UBE2E1: variants seen among roughly 807,000 people sequenced by gnomAD.
UBE2E1 encodes ubiquitin-conjugating enzyme E2 E1.
In UBE2E1, 6 loss-of-function variants were observed where a neutral mutation model predicts 21.4. The ratio of observed to expected loss-of-function variants is 0.28; its 90% confidence interval spans 0.15 to 0.55. The LOEUF is 0.55. Among genes scored for constraint, UBE2E1 ranks in the 20% least tolerant of loss-of-function variants. The probability of loss-of-function intolerance (pLI) is 0.93; values close to 1 mark genes in which losing one functional copy is unlikely to be tolerated. For missense variants in UBE2E1, 142 were observed against 236.5 expected, an observed-to-expected ratio of 0.60 and a Z score of 2.62; for synonymous variants, 87 against 82.7, an observed-to-expected ratio of 1.05 and a Z score of -0.28.
At chr3:23,872,800 T>C (rs1700831818) in intron 3 of UBE2E1, among the ~76,000 whole-genome samples, 2 of 152,182 alleles carry the variant, frequency 1.3e-5, no homozygotes, top group African/African-American at 2.4e-5. Context: ...AGGTGGATCA[T>C]GAGGTCAGGA....
In UBE2E1 at chr3:23,810,082, A is replaced by G. The variant is rs1383452838; in HGVS notation, c.153-1378A>G. Among the ~76,000 whole-genome samples the G allele has an allele frequency of 6.6e-6, 1 of 152,178 alleles. No individual in the cohort carries two copies. The highest frequency in any genetic ancestry group is 1.9e-4 in the East Asian group (1 of 5,202). ...TTACATATAGCTCGTCCGTCCTCCT[A>G]CCCGCAGAAAACCTTTGGAAAGGAA... On this transcript the variant is annotated intron_variant, in intron 2 of 5. Transcript: ENST00000306627. This position sits in a 1 kb window ranked among gnomAD's most constrained non-coding sequence, Gnocchi z 5.8.
At position 23,806,838 on chromosome 3, in the gene UBE2E1, C is replaced by G. The variant is rs1048824974; in HGVS notation, c.-33-399C>G. 6.4e-6 allele frequency: 1 copy of G among 155,538 alleles called. No individual in the cohort carries two copies. The highest frequency in any genetic ancestry group is 1.4e-5 in the Non-Finnish European group (1 of 70,546). The allele number at this position is 155,538 out of a possible 1,614,324, so 9.6% of individuals were successfully genotyped here. A position where few individuals can be genotyped will look rare whatever the true frequency, so the allele number is the denominator to read the frequency against. On this transcript the variant is annotated intron_variant, in intron 1 of 5. Transcript: ENST00000306627. This position sits in a 1 kb window ranked among gnomAD's most constrained non-coding sequence, Gnocchi z 6.5. ...TCTCACCCGGGCCACCGGCCCCTCA[C>G]GACCCCCGGAAAGCGGACAAAAACA...
chr3:23,887,912 G>T lies in UBE2E1; in HGVS notation c.336+213G>T. 1 of 586,826 alleles carries T rather than the reference G, an allele frequency of 1.7e-6. No homozygotes were observed. The highest frequency in any genetic ancestry group is 2.9e-6 in the Non-Finnish European group (1 of 347,166). The allele number at this position is 586,826 out of a possible 1,614,324, so 36.4% of individuals were successfully genotyped here. On this transcript the variant is annotated intron_variant, in intron 4 of 5. Coordinates refer to ENST00000306627, the MANE Select transcript of UBE2E1 (RefSeq NM_003341.5). The surrounding 1 kb of genome is among the most constrained non-coding windows in gnomAD (Gnocchi z 4.4). ...GGATTAAGTGCTTTGTTTTGATGGT[G>T]CTTAAAATTGTGCTATTTATAGTAA... is the stretch of plus-strand genomic sequence containing the variant.
intron 3 of UBE2E1, among the ~76,000 whole-genome samples, chr3:23,825,083 A>C (rs1699727439): frequency 6.6e-6 from 1 of 152,244 alleles, no homozygotes; most frequent in Admixed American, 6.5e-5. Context: ...TACTACACAC[A>C]CATCATTTGC....
chr3:23,822,962 T>C (rs1219027789), intron 3 of UBE2E1, among the ~76,000 whole-genome samples: 1 of 151,990 alleles, frequency 6.6e-6, no homozygotes, highest in Non-Finnish European at 1.5e-5. Context: ...TTCTCCTGTC[T>C]CAGTCTCCTG....
At chr3:23,847,376 A>G (rs1700230214) in intron 3 of UBE2E1, among the ~76,000 whole-genome samples, 1 of 152,152 alleles carries the variant, frequency 6.6e-6, no homozygotes, top group Admixed American at 6.6e-5. Context: ...CATTAGTATG[A>G]TAACTATGAC....
At position 23,810,526 on chromosome 3, in the gene UBE2E1, C is replaced by T; in HGVS notation, c.153-934C>T. On this transcript the variant is annotated intron_variant, in intron 2 of 5. Transcript: ENST00000306627. The surrounding 1 kb of genome is among the most constrained non-coding windows in gnomAD (Gnocchi z 5.8). ...AAGTTAGAGGACGCCCGGGGAAAAG[C>T]AGGTCCGGGGAGGTGGGCCGAGAGT... 6.5e-7 allele frequency: 1 copy of T among 1,534,938 alleles called. No individual in the cohort carries two copies. The highest frequency in any genetic ancestry group is 8.7e-7 in the Non-Finnish European group (1 of 1,146,222).
chr3:23,807,519 C>T (rs1699304806), intron 2 of UBE2E1, 98 bp downstream of exon 2: 2 of 1,462,510 alleles, frequency 1.4e-6, no homozygotes, highest in Non-Finnish European at 1.8e-6. Context: ...AAACGCTCCT[C>T]ATGGTTTATG....
At chr3:23,851,458 T>G (rs1461023738) in intron 3 of UBE2E1, among the ~76,000 whole-genome samples, 1 of 152,140 alleles carries the variant, frequency 6.6e-6, no homozygotes, top group Non-Finnish European at 1.5e-5. Flanking sequence ...CAGCTGGGGT[T>G]TTTACAGGGT....
At chr3:23,858,129 T>C (rs1700479043) in intron 3 of UBE2E1, among the ~76,000 whole-genome samples, 1 of 152,162 alleles carries the variant, frequency 6.6e-6, no homozygotes, top group South Asian at 2.1e-4. Context: ...CTGCGAAGGC[T>C]CTATGGCAGA....
chr3:23,845,589 C>CTCTCTGTGTGTGTG (rs1553637998), intron 3 of UBE2E1, among the ~76,000 whole-genome samples: 2 of 121,288 alleles, frequency 1.6e-5, no homozygotes, highest in African/African-American at 6.4e-5. Flanking sequence ...CTCTCTCTCT[C>CTCTCTGTGTGTGTG]TGTGTGTGTG....
chr3:23,887,286 T>A lies in UBE2E1; in HGVS notation c.204-281T>A, dbSNP rs1314310076. On this transcript the variant is annotated intron_variant, in intron 3 of 5. Transcript: ENST00000306627. This position sits in a 1 kb window ranked among gnomAD's most constrained non-coding sequence, Gnocchi z 4.4. ...CCCATTTTAAGTATTGTTTACACTT[T>A]CCTACGTGTCCAGGAGAGTTTTGAG... 6.6e-6 allele frequency among the ~76,000 whole-genome samples: 1 copy of A among 152,262 alleles called. No individual in the cohort carries two copies. The highest frequency in any genetic ancestry group is 1.5e-5 in the Non-Finnish European group (1 of 68,050).
In UBE2E1 at chr3:23,807,378, A is replaced by G. The variant is rs1699301595; in HGVS notation, c.109A>G (p.Ser37Gly). The G allele has an allele frequency of 6.2e-7, 1 of 1,613,740 alleles. No individual in the cohort carries two copies. Among genetic ancestry groups the G allele is most frequent in the Non-Finnish European group, 8.5e-7 (1 of 1,179,916 alleles). The change falls in exon 2 of 6, where the codon AGC (serine) becomes GGC (glycine). Residue 37 changes from serine to glycine, a missense_variant. This residue lies in a region of UBE2E1 where 55 missense variants were observed against 51.5 expected (regional missense o/e 1.07). Transcript: ENST00000306627. ...NTPKKKESKVSMSKNSKLLST... is the reference protein window; with the variant it reads ...NTPKKKESKVGMSKNSKLLST... ...CCCCAAGAAGAAGGAGAGTAAAGTC[A>G]GCATGAGCAAAAACTCCAAACTCCT...
At chr3:23,868,419 C>T (rs1479468726) in intron 3 of UBE2E1, among the ~76,000 whole-genome samples, 1 of 152,126 alleles carries the variant, frequency 6.6e-6, no homozygotes, top group Non-Finnish European at 1.5e-5. Flanking sequence ...AGCTATTCTC[C>T]TGCCTCAGCC....
chr3:23,827,802 T>C (rs1699789716), intron 3 of UBE2E1, among the ~76,000 whole-genome samples: 1 of 151,932 alleles, frequency 6.6e-6, no homozygotes, highest in African/African-American at 2.4e-5. Flanking sequence ...TCTTATATTC[T>C]TTTGTTTAAA....
chr3:23,858,474 C>T (rs1321179721), intron 3 of UBE2E1, among the ~76,000 whole-genome samples: 1 of 152,060 alleles, frequency 6.6e-6, no homozygotes, highest in Non-Finnish European at 1.5e-5. Flanking sequence ...CATGCACCAC[C>T]ACGCCCAGCT....
rs553673767 is a variant in UBE2E1 at position 23,883,066 on chromosome 3, G to A, written c.204-4501G>A. On this transcript the variant is annotated intron_variant, in intron 3 of 5. Transcript: ENST00000306627. Reference sequence around the variant, plus strand: ...GAGGAGGCACCAAGAGCGAGCGAGGGCTGCCAGCATGCTGTCACCTCTCCC... The same window carrying A: ...GAGGAGGCACCAAGAGCGAGCGAGGACTGCCAGCATGCTGTCACCTCTCCC... Among the ~76,000 whole-genome samples the A allele has an allele frequency of 9.2e-5, 14 of 152,278 alleles. 1 individual carries two copies. In the South Asian group the frequency reaches 1.7e-3, roughly 18 times the overall value.
chr3:23,814,284 AT>A (rs1699463904), intron 3 of UBE2E1, among the ~76,000 whole-genome samples: 1 of 152,252 alleles, frequency 6.6e-6, no homozygotes, highest in African/African-American at 2.4e-5. Context: ...CTTATGTGAA[AT>A]GCAATTGCTC....
At position 23,810,489 on chromosome 3, in the gene UBE2E1, G is replaced by T. The variant is rs1423689358; in HGVS notation, c.153-971G>T. On this transcript the variant is annotated intron_variant, in intron 2 of 5. Transcript: ENST00000306627. The surrounding 1 kb of genome is among the most constrained non-coding windows in gnomAD (Gnocchi z 5.8). ...AGAGAGCGGACCATGAAGGAAGTGG[G>T]CAGACCCCGGGAAGTTAGAGGACGC... 6.5e-7 allele frequency: 1 copy of T among 1,535,754 alleles called. No homozygotes were observed. Among genetic ancestry groups the T allele is most frequent in the Admixed American group, 2.0e-5 (1 of 50,994 alleles).
Sources: gnomAD v4.1 joint callset for allele counts (sites outside exome capture counted in the v4.1 genomes callset) on GRCh38, gnomAD v4.1.1 for gene constraint, gnomAD v4.1.1 regional missense constraint, Gnocchi (gnomAD v3.1) non-coding constraint, MANE v1.5 for transcripts, NCBI Gene and HGNC (gene_info 2026-07-23, HGNC 2026-07-21) for gene names.